The following AVL9 variants were observed in gnomAD, a reference collection of about 807,000 sequenced individuals.
AVL9 encodes late secretory pathway protein AVL9 homolog.
A neutral mutation model predicts 79.2 loss-of-function variants in AVL9; 49 were observed. The observed-to-expected ratio is 0.62, with a 90% CI of 0.49 to 0.79. AVL9 has a LOEUF of 0.79. Among genes scored for constraint, AVL9 ranks in the 30% least tolerant of loss-of-function variants. AVL9 has a pLI of 0.00. For synonymous variants in AVL9, 299 were observed against 280.6 expected, an observed-to-expected ratio of 1.07 and a Z score of -0.65; for missense variants, 682 against 776.8, an observed-to-expected ratio of 0.88 and a Z score of 1.45.
intron 1 of AVL9, among the ~76,000 whole-genome samples, chr7:32,530,586 AAT>A (rs1166131080): frequency 1.3e-5 from 2 of 152,226 alleles, no homozygotes; most frequent in African/African-American, 4.8e-5. Flanking sequence ...TTTTAGAAGA[AAT>A]ATTTCTTTTA....
At chr7:32,521,033 A>G (rs1357994133) in intron 1 of AVL9, among the ~76,000 whole-genome samples, 1 of 151,892 alleles carries the variant, frequency 6.6e-6, no homozygotes, top group African/African-American at 2.4e-5. Flanking sequence ...CCGACATGTA[A>G]TAATTGCCTT....
chr7:32,558,445 T>C lies in AVL9; in HGVS notation c.610-114T>C, dbSNP rs558982158. ...TGCTGGGATTACAGGCATGAGCCAC[T>C]GCGCCCGGCCAGCTGTTATTCTTAT... On this transcript the variant is annotated intron_variant, in intron 8 of 15. Transcript: ENST00000318709. 1.5e-5 allele frequency: 11 copies of C among 742,446 alleles called. No homozygotes were observed. The East Asian group carries it at 2.4e-4, about 16-fold the overall frequency. The allele number at this position is 742,446 out of a possible 1,614,324, so 46.0% of individuals were successfully genotyped here.
intron 1 of AVL9, among the ~76,000 whole-genome samples, chr7:32,514,650 G>A (rs939078595): frequency 6.6e-6 from 1 of 152,170 alleles, no homozygotes; most frequent in African/African-American, 2.4e-5. Context: ...GCCGGTCCTT[G>A]CCTTAAGTGA....
rs553036383 is a variant in AVL9, at chr7:32,567,421, A to T, written c.1216-2599A>T. 3.2e-4 allele frequency among the ~76,000 whole-genome samples: 49 copies of T among 152,188 alleles called. 1 individual carries two copies. In the South Asian group the frequency reaches 4.4e-3, roughly 14 times the overall value. On this transcript the variant is annotated intron_variant, in intron 10 of 15. Coordinates refer to ENST00000318709, the MANE Select transcript of AVL9 (RefSeq NM_015060.3). ...CTAGCAAGTAATGCTACAATTTTAA[A>T]GCTGTTTTGAACTATTTTAAATAAT...
chr7:32,528,331 A>T, intron 1 of AVL9, among the ~76,000 whole-genome samples: 1 of 152,262 alleles, frequency 6.6e-6, no homozygotes, highest in Admixed American at 6.5e-5. Flanking sequence ...ATGTGTCCTC[A>T]GGACCTCCTG....
intron 1 of AVL9, among the ~76,000 whole-genome samples, chr7:32,521,358 C>T (rs1426164675): frequency 6.6e-6 from 1 of 152,162 alleles, no homozygotes; most frequent in Non-Finnish European, 1.5e-5. Context: ...ACGATATGGA[C>T]AGTAAGGTCC....
chr7:32,501,775 A>G (rs1339707384), intron 1 of AVL9, among the ~76,000 whole-genome samples: 1 of 152,210 alleles, frequency 6.6e-6, no homozygotes, highest in Non-Finnish European at 1.5e-5. Context: ...CACCATGAGT[A>G]ATCATCTACT....
At chr7:32,581,828 T>A (rs928416608) in intron 15 of AVL9, among the ~76,000 whole-genome samples, 13 of 152,234 alleles carry the variant, frequency 8.5e-5, no homozygotes, top group African/African-American at 2.6e-4. Flanking sequence ...AGAAAGAAAT[T>A]AATTGAATTT....
chr7:32,541,737 A>T (rs1165900410), intron 1 of AVL9, among the ~76,000 whole-genome samples: 1 of 149,634 alleles, frequency 6.7e-6, no homozygotes, highest in Non-Finnish European at 1.5e-5. Context: ...TTTTTGAGAC[A>T]GAGTCTCACT....
chr7:32,526,859 A>T (rs1788423043), intron 1 of AVL9, among the ~76,000 whole-genome samples: 1 of 152,070 alleles, frequency 6.6e-6, no homozygotes. Flanking sequence ...TTCCCACCTC[A>T]CAGATGAAAT....
chr7:32,550,766 T>C (rs951209224), intron 4 of AVL9, among the ~76,000 whole-genome samples: 1 of 152,132 alleles, frequency 6.6e-6, no homozygotes, highest in African/African-American at 2.4e-5. Flanking sequence ...CACAAACTAG[T>C]TGTTGTGAGC....
chr7:32,566,220 A>G (rs67884801), intron 10 of AVL9, among the ~76,000 whole-genome samples: 96,630 of 118,652 alleles, frequency 0.81, 39,551 homozygotes, highest in Middle Eastern at 0.87. Context: ...ACTCTTGCCC[A>G]GCCTGGAATG....
chr7:32,510,252 C>A (rs1453803175), intron 1 of AVL9, among the ~76,000 whole-genome samples: 1 of 151,694 alleles, frequency 6.6e-6, no homozygotes, highest in Non-Finnish European at 1.5e-5. Flanking sequence ...CCTGACACTT[C>A]TGAACTGCCC....
intron 11 of AVL9, 93 bp downstream of exon 11, chr7:32,570,247 AATG>A: frequency 6.8e-7 from 1 of 1,478,220 alleles, no homozygotes; most frequent in South Asian, 1.2e-5. Flanking sequence ...CAACATTAGT[AATG>A]ATAATAACTG....
intron 4 of AVL9, among the ~76,000 whole-genome samples, 181 bp downstream of exon 4, chr7:32,549,099 G>C (rs911502048): frequency 2.6e-5 from 4 of 151,548 alleles, no homozygotes; most frequent in African/African-American, 9.7e-5. Context: ...CCAAGACTTG[G>C]TAAGAGAAAG....
intron 12 of AVL9, 59 bp from the exon 13 acceptor site, chr7:32,575,895 TC>T (rs1791072762): frequency 8.1e-7 from 1 of 1,231,184 alleles, no homozygotes; most frequent in African/African-American, 1.5e-5. Flanking sequence ...TTGGTTATAA[TC>T]TTCACATCCC....
intron 1 of AVL9, among the ~76,000 whole-genome samples, chr7:32,500,689 A>G (rs1020326100): frequency 3.9e-5 from 6 of 152,060 alleles, no homozygotes; most frequent in Non-Finnish European, 1.5e-5. Context: ...TGCCATGCCT[A>G]TATCCTGAAT....
chr7:32,530,398 A>G (rs1583526229), intron 1 of AVL9, among the ~76,000 whole-genome samples: 1 of 152,240 alleles, frequency 6.6e-6, no homozygotes, highest in Admixed American at 6.5e-5. Flanking sequence ...AACATAAATC[A>G]AATTCTATTA....
intron 1 of AVL9, among the ~76,000 whole-genome samples, chr7:32,500,721 T>C (rs1409024267): frequency 1.3e-5 from 2 of 152,204 alleles, no homozygotes; most frequent in Non-Finnish European, 2.9e-5. Context: ...GGTTTTCTTC[T>C]GGGGTTTTTA....
Sources: allele counts gnomAD v4.1 joint callset (sites outside exome capture counted in the v4.1 genomes callset), GRCh38; gene constraint gnomAD v4.1.1; transcripts MANE v1.5; gene names NCBI Gene and HGNC (gene_info 2026-07-23, HGNC 2026-07-21).